EXOC4: variants seen among roughly 807,000 people sequenced by gnomAD.
EXOC4 encodes exocyst complex component 4.
Under a neutral mutation model 107.2 loss-of-function variants are expected in EXOC4, and 71 were observed. That is an observed-to-expected ratio of 0.66 (90% confidence interval 0.55 to 0.81). EXOC4 has a LOEUF of 0.81. Ranked by LOEUF, EXOC4 falls within the 30% of genes least tolerant of loss-of-function variation. The probability of loss-of-function intolerance (pLI) is 0.00; values close to 1 mark genes in which losing one functional copy is unlikely to be tolerated. For missense variants in EXOC4, 1,108 were observed against 1,189.6 expected (o/e 0.93, Z 1.01); for synonymous variants, 456 against 441.2 (o/e 1.03, Z -0.42).
intron 3 of EXOC4, among the ~76,000 whole-genome samples, chr7:133,301,171 C>G (rs1283322600): frequency 2.0e-5 from 3 of 152,210 alleles, no homozygotes; most frequent in Non-Finnish European, 4.4e-5. Flanking sequence ...GGAGCAGGCC[C>G]TAAAACCGCT....
intron 10 of EXOC4, among the ~76,000 whole-genome samples, chr7:133,726,795 T>C (rs1179730821): frequency 2.0e-5 from 3 of 152,208 alleles, no homozygotes. Context: ...CACTTTCCAT[T>C]TGGTTCCAGT....
intron 5 of EXOC4, among the ~76,000 whole-genome samples, chr7:133,324,855 G>A (rs959281373): frequency 2.6e-5 from 4 of 152,174 alleles, no homozygotes; most frequent in Admixed American, 1.3e-4. Context: ...AAGCCTCTTT[G>A]TAGGTCTCTA....
chr7:133,477,085 G>A (rs954845385), intron 8 of EXOC4, among the ~76,000 whole-genome samples: 22 of 152,208 alleles, frequency 1.4e-4, no homozygotes, highest in African/African-American at 4.1e-4. Flanking sequence ...TATATTCCCC[G>A]CTTCTCTGCA....
At chr7:133,379,525 A>T (rs1406979449) in intron 7 of EXOC4, among the ~76,000 whole-genome samples, 2 of 152,112 alleles carry the variant, frequency 1.3e-5, no homozygotes, top group African/African-American at 4.8e-5. Context: ...AGAATATATA[A>T]ATGTAATTAT....
intron 12 of EXOC4, among the ~76,000 whole-genome samples, chr7:133,903,975 T>C (rs1053957563): frequency 2.0e-5 from 3 of 152,170 alleles, no homozygotes; most frequent in African/African-American, 7.2e-5. Context: ...GACTGAGTGA[T>C]AAATGTAAAT....
At position 133,310,503 on chromosome 7, in the gene EXOC4, A is replaced by G. The variant is rs74400929; in HGVS notation, c.656+4442A>G. ...TTCTTGATTGCAAATAGAGGAAATC[A>G]GTCTGGGTAACTAAAACAGGAAAAG... is the stretch of plus-strand genomic sequence containing the variant. On this transcript the variant is annotated intron_variant, in intron 4 of 17. Coordinates refer to ENST00000253861, the MANE Select transcript of EXOC4 (RefSeq NM_021807.4). Among the ~76,000 whole-genome samples, 425 of 152,360 alleles carry G rather than the reference A, an allele frequency of 2.8e-3. 1 individual carries two copies. The highest frequency in any genetic ancestry group is 9.9e-3 in the African/African-American group (413 of 41,586).
At position 133,597,976 on chromosome 7, in the gene EXOC4, C is replaced by T. The variant is rs575307906; in HGVS notation, c.1418-32069C>T. Among the ~76,000 whole-genome samples the T allele has an allele frequency of 1.6e-4, 24 of 151,874 alleles. No individual in the cohort carries two copies. In the East Asian group the frequency reaches 3.7e-3, roughly 23 times the overall value. On this transcript the variant is annotated intron_variant, in intron 9 of 17. Transcript: ENST00000253861. ...TTCCGCCTCCCAGGATCCGAGATGGCGCCATTACTCCAGCCTGGGCAATAA... is the reference window on the plus strand; with the variant it reads ...TTCCGCCTCCCAGGATCCGAGATGGTGCCATTACTCCAGCCTGGGCAATAA...
At chr7:134,086,616 C>G in the EXOC4 span, among the ~76,000 whole-genome samples, 1 of 152,130 alleles carries the variant, frequency 6.6e-6, no homozygotes. Context: ...GGCAGTGGTT[C>G]TGGGGCCTTG....
chr7:133,327,342 A>T (rs745922012), intron 5 of EXOC4, among the ~76,000 whole-genome samples: 2 of 152,162 alleles, frequency 1.3e-5, no homozygotes, highest in South Asian at 4.1e-4. Flanking sequence ...TTGTTCGGCT[A>T]TCTTGGAACC....
chr7:133,694,833 A>C (rs559894802), intron 10 of EXOC4, among the ~76,000 whole-genome samples: 26 of 152,192 alleles, frequency 1.7e-4, no homozygotes, highest in Non-Finnish European at 3.2e-4. Flanking sequence ...GTACCTATTA[A>C]TCAACCTTTC....
chr7:134,031,998 G>A (rs1040197651), intron 17 of EXOC4, among the ~76,000 whole-genome samples: 1 of 152,144 alleles, frequency 6.6e-6, no homozygotes, highest in African/African-American at 2.4e-5. Flanking sequence ...GCCACCTGAT[G>A]ACAACAAAGA....
chr7:133,349,162 C>T (rs1468803991), intron 5 of EXOC4, among the ~76,000 whole-genome samples: 1 of 151,806 alleles, frequency 6.6e-6, no homozygotes. Context: ...ACGTCACATA[C>T]CATAAAGCCT....
chr7:133,661,238 C>T (rs1275716193), intron 10 of EXOC4, among the ~76,000 whole-genome samples: 7 of 151,928 alleles, frequency 4.6e-5, no homozygotes, highest in Non-Finnish European at 8.8e-5. Flanking sequence ...GTATATGTGC[C>T]GAGGCTCTGA....
intron 9 of EXOC4, among the ~76,000 whole-genome samples, chr7:133,567,700 G>A (rs1011550607): frequency 6.6e-6 from 1 of 152,158 alleles, no homozygotes; most frequent in Non-Finnish European, 1.5e-5. Context: ...AGACTGGAAA[G>A]TCCCAGAGCA....
At chr7:133,888,951 G>A (rs1286943739) in intron 11 of EXOC4, among the ~76,000 whole-genome samples, 1 of 152,186 alleles carries the variant, frequency 6.6e-6, no homozygotes, top group Non-Finnish European at 1.5e-5. Context: ...CTTTGCACTT[G>A]TAAGAACCCT....
chr7:133,611,462 G>A (rs986959060), intron 9 of EXOC4, among the ~76,000 whole-genome samples: 6 of 152,084 alleles, frequency 3.9e-5, no homozygotes, highest in African/African-American at 9.7e-5. Flanking sequence ...TGTGTCACTC[G>A]CCTGCTCTAA....
At chr7:133,471,138 G>C (rs776997558) in intron 7 of EXOC4, among the ~76,000 whole-genome samples, 1 of 152,142 alleles carries the variant, frequency 6.6e-6, no homozygotes, top group Non-Finnish European at 1.5e-5. Context: ...CTGGCCGGGT[G>C]TGCTGGCTCA....
At chr7:133,553,621 C>G (rs1019075291) in intron 9 of EXOC4, among the ~76,000 whole-genome samples, 9 of 152,156 alleles carry the variant, frequency 5.9e-5, no homozygotes, top group Non-Finnish European at 1.0e-4. Flanking sequence ...TCTCTCAAGA[C>G]TCATCTCAGA....
At chr7:133,255,108 A>G (rs548858588) in intron 1 of EXOC4, among the ~76,000 whole-genome samples, 50 of 151,992 alleles carry the variant, frequency 3.3e-4, no homozygotes, top group African/African-American at 1.1e-3. Context: ...CCTTCATTTT[A>G]TCACTGTGAT....
Sources: gnomAD v4.1 joint callset for allele counts (sites outside exome capture counted in the v4.1 genomes callset) on GRCh38, gnomAD v4.1.1 for gene constraint, MANE v1.5 for transcripts, NCBI Gene and HGNC (gene_info 2026-07-23, HGNC 2026-07-21) for gene names.